Variants in CCDC171 observed in about 807,000 individuals in gnomAD.
CCDC171 encodes coiled-coil domain containing 171.
CCDC171 carries 177 observed loss-of-function variants against 168.2 expected under a neutral mutation model. The ratio of observed to expected loss-of-function variants is 1.05; its 90% CI spans 0.93 to 1.19. The LOEUF is 1.19. Among genes scored for constraint, CCDC171 ranks in the 50% most tolerant of loss-of-function variants. The pLI is 0.00. For missense variants in CCDC171, 1,991 were observed against 1,539.0 expected, an observed-to-expected ratio of 1.29 and a Z score of -4.91; for synonymous variants, 687 against 540.8, an observed-to-expected ratio of 1.27 and a Z score of -3.75.
intron 21 of CCDC171, among the ~76,000 whole-genome samples, chr9:15,826,451 C>G (rs899598997): frequency 6.6e-6 from 1 of 152,110 alleles, no homozygotes; most frequent in East Asian, 1.9e-4. Context: ...GTCTATTTCC[C>G]TCTTTTTGAA....
At chr9:15,914,132 C>A (rs1027834071) in intron 24 of CCDC171, among the ~76,000 whole-genome samples, 3 of 152,188 alleles carry the variant, frequency 2.0e-5, no homozygotes, top group Admixed American at 6.5e-5. Context: ...CAGGGACCCC[C>A]TTGAGGAGGC....
intron 23 of CCDC171, 34 bp from the exon 24 acceptor site, chr9:15,874,498 G>T: frequency 6.4e-7 from 1 of 1,559,216 alleles, no homozygotes; most frequent in Non-Finnish European, 8.7e-7. Context: ...TGTCTGAAGG[G>T]GAATTACCAT....
At chr9:15,680,380 CAA>C (rs1309220452) in intron 10 of CCDC171, among the ~76,000 whole-genome samples, 3 of 152,040 alleles carry the variant, frequency 2.0e-5, no homozygotes, top group African/African-American at 7.2e-5. Context: ...AGTTATATTC[CAA>C]AAGTTTTAGT....
chr9:15,668,326 C>T (rs991858241), intron 9 of CCDC171, among the ~76,000 whole-genome samples: 3 of 152,128 alleles, frequency 2.0e-5, no homozygotes, highest in Admixed American at 1.3e-4. Flanking sequence ...TATATACTTT[C>T]CTAATTGGAC....
At chr9:15,640,071 A>T (rs920379354) in intron 7 of CCDC171, among the ~76,000 whole-genome samples, 3 of 152,166 alleles carry the variant, frequency 2.0e-5, no homozygotes, top group Non-Finnish European at 2.9e-5. Flanking sequence ...TAGTTGACCT[A>T]TATAGTAAAA....
At chr9:15,575,648 A>T (rs2040589693) in intron 3 of CCDC171, among the ~76,000 whole-genome samples, 1 of 152,174 alleles carries the variant, frequency 6.6e-6, no homozygotes, top group African/African-American at 2.4e-5. Flanking sequence ...TTATAATTTT[A>T]TTTTTATTAA....
Position 15,784,640 on chromosome 9 carries a change from A to C in CCDC171, c.3213A>C (p.Glu1071Asp). ...TACAGGAATTGAATTATAAACTTGA[A>C]TTGCACTCCAGTGAGGAAGCTGACA... ...QQLQELNYKL[E>D]LHSSEEADKN... Residue 1071 changes from glutamate (E) to aspartate (D), a missense_variant, in exon 21 of 26, where the codon GAA (glutamate) becomes GAC (aspartate). Physicochemically the swap from Glu to Asp is conservative, Grantham distance 45. Transcript: ENST00000380701. The C allele has an allele frequency of 6.2e-7, 1 of 1,613,468 alleles. No individual in the cohort carries two copies. Among genetic ancestry groups the C allele is most frequent in the South Asian group, 1.1e-5 (1 of 91,010 alleles).
chr9:15,638,429 G>A (rs1190611008), intron 7 of CCDC171, among the ~76,000 whole-genome samples: 2 of 152,140 alleles, frequency 1.3e-5, no homozygotes, highest in African/African-American at 4.8e-5. Flanking sequence ...AGGTACTTAA[G>A]TAATTGTTAG....
chr9:15,564,000 G>A lies in CCDC171; in HGVS notation c.-89G>A. 1.0e-6 allele frequency: 1 copy of A among 975,072 alleles called. No homozygotes were observed. The highest frequency in any genetic ancestry group is 1.6e-6 in the Non-Finnish European group (1 of 616,636). The allele number at this position is 975,072 out of a possible 1,614,324, so 60.4% of individuals were successfully genotyped here. A position where few individuals can be genotyped will look rare whatever the true frequency, so the allele number is the denominator to read the frequency against. On this transcript the variant is annotated 5_prime_UTR_variant, in exon 2 of 26. Coordinates refer to ENST00000380701, the MANE Select transcript of CCDC171 (RefSeq NM_173550.4). ...CAGACCTCAAATCATCTAACGTGAA[G>A]CCACAGACATCTTGGGCAATTTTAA...
intron 24 of CCDC171, among the ~76,000 whole-genome samples, chr9:15,901,067 C>T (rs944622045): frequency 2.0e-5 from 3 of 151,952 alleles, no homozygotes; most frequent in South Asian, 4.1e-4. Flanking sequence ...ATTAAATATG[C>T]TCCATAACAT....
intron 24 of CCDC171, among the ~76,000 whole-genome samples, chr9:15,918,998 G>C (rs940274327): frequency 6.6e-6 from 1 of 151,642 alleles, no homozygotes; most frequent in Non-Finnish European, 1.5e-5. Context: ...TATAGGCAGA[G>C]TATCTTGCCT....
chr9:15,949,686 C>G lies in CCDC171; in HGVS notation c.3754-21923C>G, dbSNP rs556183266. ...CAGAGACTTTGCTGAAGTCGCTTAT[C>G]AGCTTAAGGAGATTTTGGGCTGAGA... On this transcript the variant is annotated intron_variant, in intron 25 of 25. Transcript: ENST00000380701. Among the ~76,000 whole-genome samples, 26 of 152,274 alleles carry G rather than the reference C, an allele frequency of 1.7e-4. 1 individual carries two copies. Among genetic ancestry groups the G allele is most frequent in the African/African-American group, 5.8e-4 (24 of 41,548 alleles).
At chr9:15,799,568 C>A (rs773898327) in intron 21 of CCDC171, among the ~76,000 whole-genome samples, 2 of 151,982 alleles carry the variant, frequency 1.3e-5, no homozygotes, top group African/African-American at 2.4e-5. Flanking sequence ...ATAACCACAT[C>A]ATGGTAAATG....
chr9:15,984,788 T>C (rs528587182), intron 3 of CCDC171, among the ~76,000 whole-genome samples: 102 of 152,242 alleles, frequency 6.7e-4, no homozygotes, highest in African/African-American at 2.3e-3. Flanking sequence ...TTTTCATGGA[T>C]AGAAACTAAG....
chr9:15,730,550 A>G (rs2054089599), intron 16 of CCDC171, among the ~76,000 whole-genome samples: 1 of 151,854 alleles, frequency 6.6e-6, no homozygotes, highest in South Asian at 2.1e-4. Flanking sequence ...TATTCTTCCC[A>G]TGGTTGATTT....
intron 7 of CCDC171, among the ~76,000 whole-genome samples, chr9:15,630,516 A>G (rs1201487266): frequency 6.6e-6 from 1 of 152,202 alleles, no homozygotes; most frequent in Non-Finnish European, 1.5e-5. Context: ...GAGCACGAAG[A>G]TTCATAAAGC....
chr9:15,812,654 G>T (rs899807631), intron 21 of CCDC171, among the ~76,000 whole-genome samples: 1 of 152,164 alleles, frequency 6.6e-6, no homozygotes, highest in Non-Finnish European at 1.5e-5. Flanking sequence ...AGCGACTATG[G>T]AGAGCAGTAG....
intron 25 of CCDC171, among the ~76,000 whole-genome samples, chr9:15,933,531 A>T (rs1004086835): frequency 1.1e-4 from 16 of 151,750 alleles, no homozygotes; most frequent in African/African-American, 3.9e-4. Flanking sequence ...TCCTTCTACC[A>T]ATTCTGGGCT....
At chr9:15,637,009 A>G (rs2046251166) in intron 7 of CCDC171, among the ~76,000 whole-genome samples, 1 of 151,534 alleles carries the variant, frequency 6.6e-6, no homozygotes, top group South Asian at 2.1e-4. Flanking sequence ...TAATCCCAGC[A>G]CTTTGGGAGG....
Sources: allele counts gnomAD v4.1 joint callset (sites outside exome capture counted in the v4.1 genomes callset), GRCh38; gene constraint gnomAD v4.1.1; transcripts MANE v1.5; gene names NCBI Gene and HGNC (gene_info 2026-07-23, HGNC 2026-07-21).